CPZ: variants seen among roughly 807,000 people sequenced by gnomAD.
CPZ encodes VEZT/CPZ fusion.
CPZ carries 103 observed loss-of-function variants against 61.8 expected under a neutral mutation model. The ratio of observed to expected loss-of-function variants is 1.67; its 90% confidence interval spans 1.42 to 1.96. CPZ has a LOEUF of 1.96. CPZ is among the 30% of genes most tolerant of loss of function. The pLI is 0.00. For synonymous variants in CPZ, 551 were observed against 373.7 expected (o/e 1.47, Z -5.47); for missense variants, 1,461 against 914.9 (o/e 1.60, Z -7.70).
At chr4:8,610,314 C>G (rs1235127675) in intron 7 of CPZ, among the ~76,000 whole-genome samples, 1 of 152,242 alleles carries the variant, frequency 6.6e-6, no homozygotes, top group Non-Finnish European at 1.5e-5. Flanking sequence ...CAGGTCAGGC[C>G]TGTGTTAGCC....
At chr4:8,607,671 C>T (rs1715157743) in intron 7 of CPZ, among the ~76,000 whole-genome samples, 1 of 152,190 alleles carries the variant, frequency 6.6e-6, no homozygotes. Context: ...TTTCACATGT[C>T]CCCGTCTGGG....
intron 1 of CPZ, 141 bp from the exon 2 acceptor site, chr4:8,599,312 C>A: frequency 1.1e-6 from 1 of 952,254 alleles, no homozygotes; most frequent in Non-Finnish European, 1.5e-6. Context: ...TCAGGGGCTG[C>A]TGTGAAGACT....
intron 1 of CPZ, among the ~76,000 whole-genome samples, chr4:8,595,365 G>A (rs912786933): frequency 2.0e-5 from 3 of 152,224 alleles, no homozygotes; most frequent in African/African-American, 4.8e-5. Context: ...TGTGTCCCAC[G>A]GTGGTTGGGG....
chr4:8,619,500 G>A lies in CPZ; in HGVS notation c.1842G>A (p.Thr614=), dbSNP rs141582324. ...LGGASSLGEA[T]EPDPLRARRQ... is the part of the protein sequence containing the mutation. ...GTGCCAGCTCTTTGGGGGAGGCCAC[G>A]GAGCCCGACCCGCTCCGGGCGCGCA... Residue 614 remains threonine, a synonymous_variant, in exon 11 of 11, where the codon ACG becomes ACA. Coordinates refer to ENST00000360986, the MANE Select transcript of CPZ (RefSeq NM_001014447.3). The A allele has an allele frequency of 5.0e-4, 800 of 1,606,272 alleles. No homozygotes were observed. The highest frequency in any genetic ancestry group is 2.1e-3 in the Admixed American group (127 of 59,494).
At chr4:8,600,691 A>G (rs1426877369) in intron 2 of CPZ, among the ~76,000 whole-genome samples, 7 of 152,242 alleles carry the variant, frequency 4.6e-5, no homozygotes, top group Admixed American at 2.6e-4. Context: ...CTGAGCCCCA[A>G]CTGACCCATT....
rs773276230 is a variant in CPZ, at chr4:8,606,112, G to A, written c.833G>A (p.Arg278His). ...CTGCTTGGTAACCCCCGCATCCAGC[G>A]CCTGCTCAACACCACCCGCATCCAC... The part of the protein sequence containing the change: ...EYLLGNPRIQ[R>H]LLNTTRIHLL... The change falls in exon 5 of 11, where the codon CGC (arginine) becomes CAC (histidine). Residue 278 changes from arginine (R) to histidine (H), a missense_variant. Arg to His is a conservative substitution (Grantham distance 29, BLOSUM62 0). Transcript: ENST00000360986. 3.2e-5 allele frequency: 51 copies of A among 1,614,032 alleles called. 1 individual carries two copies. Among genetic ancestry groups the A allele is most frequent in the East Asian group, 4.5e-5 (2 of 44,886 alleles).
At chr4:8,613,886 C>T (rs773919882) in intron 8 of CPZ, among the ~76,000 whole-genome samples, 2 of 152,342 alleles carry the variant, frequency 1.3e-5, no homozygotes, top group South Asian at 4.1e-4. Flanking sequence ...GACATTGTCA[C>T]CATGGGGTCT....
At chr4:8,609,209 T>TACTC (rs1374646972) in intron 7 of CPZ, among the ~76,000 whole-genome samples, 18 of 43,466 alleles carry the variant, frequency 4.1e-4, no homozygotes, top group African/African-American at 9.8e-4. Context: ...CTCACTCACT[T>TACTC]ACTCATTCAC....
rs538977936 is a variant in CPZ at position 8,606,923 on chromosome 4, G to A, written c.1068+25G>A. ...GGTAGGAGCCGCCGCTGCCCATGCTGGTCTCCACCAAGGCATCCAGGGGTC... is the reference window on the plus strand; with the variant it reads ...GGTAGGAGCCGCCGCTGCCCATGCTAGTCTCCACCAAGGCATCCAGGGGTC... On this transcript the variant is annotated intron_variant, in intron 6 of 10. Coordinates refer to ENST00000360986, the MANE Select transcript of CPZ (RefSeq NM_001014447.3). The A allele has an allele frequency of 1.2e-4, 194 of 1,571,940 alleles. No homozygotes were observed. In the East Asian group the frequency reaches 4.5e-3, roughly 37 times the overall value.
chr4:8,607,217 G>T (rs565373818), intron 6 of CPZ, 50 bp from the exon 7 acceptor site: 2 of 1,592,438 alleles, frequency 1.3e-6, no homozygotes, highest in African/African-American at 2.7e-5. Context: ...CATGGCTGCG[G>T]GCCAGTGGGA....
At chr4:8,611,895 C>G in intron 7 of CPZ, 132 bp from the exon 8 acceptor site, 2 of 1,289,248 alleles carry the variant, frequency 1.6e-6, no homozygotes, top group Admixed American at 4.1e-5. Context: ...CCTCTCCTAC[C>G]TGCAGACACC....
chr4:8,606,156 C>T lies in CPZ; in HGVS notation c.877C>T (p.Pro293Ser). The T allele has an allele frequency of 6.2e-7, 1 of 1,614,152 alleles. No homozygotes were observed. Among genetic ancestry groups the T allele is most frequent in the South Asian group, 1.1e-5 (1 of 91,088 alleles). ...CATCCACCTGCTGCCCTCCATGAAC[C>T]CTGACGGCTATGAGGTGGCAGCTGC... ...TRIHLLPSMN[P>S]DGYEVAAAEG... The change falls in exon 5 of 11, where the codon CCT becomes TCT. Residue 293 changes from proline (P) to serine (S), a missense_variant. Coordinates refer to ENST00000360986, the MANE Select transcript of CPZ (RefSeq NM_001014447.3).
intron 9 of CPZ, chr4:8,618,003 C>T (rs574566723): frequency 4.6e-5 from 10 of 219,578 alleles, no homozygotes; most frequent in South Asian, 7.9e-5. Flanking sequence ...AGCGAGGGTC[C>T]GAGCACTGTC....
At chr4:8,618,780 G>T (rs193126037) in intron 10 of CPZ, among the ~76,000 whole-genome samples, 153 of 152,286 alleles carry the variant, frequency 1.0e-3, no homozygotes, top group African/African-American at 3.4e-3. Flanking sequence ...GTATTCCTAG[G>T]AAAATGCCGC....
At chr4:8,593,205 G>C (rs1713926668) in intron 1 of CPZ, among the ~76,000 whole-genome samples, 1 of 152,208 alleles carries the variant, frequency 6.6e-6, no homozygotes, top group African/African-American at 2.4e-5. Context: ...TTTCCTGTCG[G>C]ACACAGCAGC....
In CPZ at chr4:8,606,039, G is replaced by A; in HGVS notation, c.760G>A (p.Gly254Ser). 6.2e-7 allele frequency: 1 copy of A among 1,614,152 alleles called. No individual in the cohort carries two copies. The change falls in exon 5 of 11, where the codon GGC becomes AGC. Residue 254 changes from glycine (G) to serine (S), a missense_variant. Coordinates refer to ENST00000360986, the MANE Select transcript of CPZ (RefSeq NM_001014447.3). ...CAACATTCATGGCAACGAGGTGGCG[G>A]GCCGGGAGATGCTCATCTACCTAGC... ...IGNIHGNEVA[G>S]REMLIYLAQY...
intron 2 of CPZ, among the ~76,000 whole-genome samples, chr4:8,600,743 T>G (rs955825804): frequency 3.7e-4 from 56 of 152,360 alleles, no homozygotes; most frequent in Non-Finnish European, 5.1e-4. Flanking sequence ...AGGATGTGTC[T>G]TTTGGGACGT....
chr4:8,599,057 G>T (rs893690890), intron 1 of CPZ, among the ~76,000 whole-genome samples: 1 of 152,196 alleles, frequency 6.6e-6, no homozygotes, highest in African/African-American at 2.4e-5. Flanking sequence ...AGGACTCAGC[G>T]GCTTACGGTG....
At chr4:8,617,584 T>C (rs941847084) in intron 9 of CPZ, among the ~76,000 whole-genome samples, 2 of 152,252 alleles carry the variant, frequency 1.3e-5, no homozygotes, top group African/African-American at 4.8e-5. Flanking sequence ...AGCAAGATCA[T>C]TTTCATAGTT....
Sources: gnomAD v4.1 joint callset for allele counts (sites outside exome capture counted in the v4.1 genomes callset) on GRCh38, gnomAD v4.1.1 for gene constraint, MANE v1.5 for transcripts, NCBI Gene and HGNC (gene_info 2026-07-23, HGNC 2026-07-21) for gene names.